Variants in MIPEP observed in about 807,000 individuals in gnomAD.
MIPEP encodes mitochondrial intermediate peptidase.
Under a neutral mutation model 90.3 loss-of-function variants are expected in MIPEP, and 79 were observed. The observed-to-expected ratio is 0.87, with a 90% CI of 0.73 to 1.05. The LOEUF is 1.05. Among genes scored for constraint, MIPEP ranks in the 50% least tolerant of loss-of-function variants. The pLI is 0.00. For synonymous variants in MIPEP, 334 were observed against 315.8 expected (o/e 1.06, Z -0.61); for missense variants, 940 against 905.6 (o/e 1.04, Z -0.49).
chr13:23,840,330 T>A (rs1869238929), intron 11 of MIPEP, among the ~76,000 whole-genome samples: 1 of 152,184 alleles, frequency 6.6e-6, no homozygotes, highest in Admixed American at 6.5e-5. Context: ...TTATTGTTCA[T>A]CAAACATCTG....
chr13:23,838,290 T>G (rs1371641121), intron 12 of MIPEP, among the ~76,000 whole-genome samples: 2 of 152,164 alleles, frequency 1.3e-5, no homozygotes, highest in African/African-American at 2.4e-5. Context: ...ACTACAGGTG[T>G]GCTCCACCAC....
rs77779627 is a variant in MIPEP, at chr13:23,797,759, C to T, written c.1848+8191G>A. ...TCTCATTAATGTTTCAGGGAAGGAG[C>T]CTCCCTCTGGAAATTAAAAACGAGG... On this transcript the variant is annotated intron_variant, in intron 16 of 18. Coordinates refer to ENST00000382172, the MANE Select transcript of MIPEP (RefSeq NM_005932.4). 5.6e-3 allele frequency among the ~76,000 whole-genome samples: 855 copies of T among 152,288 alleles called. 8 individuals carry two copies. Among genetic ancestry groups the T allele is most frequent in the African/African-American group, 0.019 (801 of 41,552 alleles).
intron 10 of MIPEP, among the ~76,000 whole-genome samples, chr13:23,844,174 C>T (rs376809567): frequency 1.1e-3 from 8 of 7,344 alleles, no homozygotes; most frequent in Non-Finnish European, 3.9e-3. Flanking sequence ...AAGGGCGATG[C>T]GGGCAGAGAA....
Position 23,789,775 on chromosome 13 carries a change from G to A in MIPEP, c.1848+16175C>T, listed in dbSNP as rs577227209. Among the ~76,000 whole-genome samples the A allele has an allele frequency of 5.3e-5, 8 of 152,104 alleles. No homozygotes were observed. In the South Asian group the frequency reaches 1.5e-3, roughly 28 times the overall value. Reference sequence around the variant, plus strand: ...GGGGCTTTCCTCATCCTACGCCCTCGTGCTCTGCTGGGAATTCCCACCCTC... The same window carrying A: ...GGGGCTTTCCTCATCCTACGCCCTCATGCTCTGCTGGGAATTCCCACCCTC... On this transcript the variant is annotated intron_variant, in intron 16 of 18. Coordinates refer to ENST00000382172, the MANE Select transcript of MIPEP (RefSeq NM_005932.4).
At chr13:23,844,282 G>C (rs974605291) in intron 10 of MIPEP, among the ~76,000 whole-genome samples, 21 of 152,156 alleles carry the variant, frequency 1.4e-4, no homozygotes, top group African/African-American at 4.8e-4. Context: ...GGAGTGCATG[G>C]AAAGAGGGGA....
intron 16 of MIPEP, among the ~76,000 whole-genome samples, chr13:23,761,744 T>G (rs1382190223): frequency 6.6e-6 from 1 of 152,226 alleles, no homozygotes; most frequent in Admixed American, 6.5e-5. Context: ...CTTAGGACTT[T>G]AACATTTTTA....
At chr13:23,882,900 T>TAA (rs547606760) in intron 2 of MIPEP, among the ~76,000 whole-genome samples, 123 of 152,214 alleles carry the variant, frequency 8.1e-4, no homozygotes, top group African/African-American at 2.9e-3. Context: ...TGTGAATTTA[T>TAA]AATCAATATT....
At chr13:23,759,638 G>C (rs1322916177) in intron 17 of MIPEP, among the ~76,000 whole-genome samples, 1 of 152,076 alleles carries the variant, frequency 6.6e-6, no homozygotes, top group African/African-American at 2.4e-5. Flanking sequence ...AAAGAGATTG[G>C]GAAAGCAGGA....
chr13:23,760,329 C>T (rs767624628), intron 16 of MIPEP, 112 bp from the exon 17 acceptor site: 33 of 1,401,668 alleles, frequency 2.4e-5, no homozygotes, highest in Non-Finnish European at 3.3e-5. Context: ...CTTTCATTTG[C>T]ATTTTACCCT....
chr13:23,860,775 C>T (rs191312348), intron 9 of MIPEP, among the ~76,000 whole-genome samples: 31 of 152,260 alleles, frequency 2.0e-4, no homozygotes, highest in African/African-American at 7.2e-4. Context: ...AAGACGGCTT[C>T]GAGTGGAGCA....
chr13:23,739,265 G>T (rs1388335656), intron 18 of MIPEP, among the ~76,000 whole-genome samples: 1 of 152,260 alleles, frequency 6.6e-6, no homozygotes, highest in East Asian at 1.9e-4. Flanking sequence ...CGTGGTGTCA[G>T]TGTGAGCTGT....
At chr13:23,886,966 A>G (rs1329518424) in intron 1 of MIPEP, among the ~76,000 whole-genome samples, 1 of 152,106 alleles carries the variant, frequency 6.6e-6, no homozygotes, top group Non-Finnish European at 1.5e-5. Context: ...ATCATGTACA[A>G]TGGGAATGAC....
chr13:23,768,363 A>G (rs1419961682), intron 16 of MIPEP, among the ~76,000 whole-genome samples: 1 of 152,200 alleles, frequency 6.6e-6, no homozygotes, highest in African/African-American at 2.4e-5. Flanking sequence ...CACACCACAG[A>G]GCTATTTTTA....
Position 23,889,340 on chromosome 13 carries a change from C to G in MIPEP, c.-20G>C. ...CAGCATTCTAGCACCAGAGCAGTCC[C>G]TTCCTCCAACGCAGATCCCTGCCCT... On this transcript the variant is annotated 5_prime_UTR_variant, in exon 1 of 19. Transcript: ENST00000382172. 1 of 1,309,396 alleles carries G rather than the reference C, an allele frequency of 7.6e-7. No homozygotes were observed. The highest frequency in any genetic ancestry group is 9.7e-7 in the Non-Finnish European group (1 of 1,028,362). The allele number at this position is 1,309,396 out of a possible 1,614,324, so 81.1% of individuals were successfully genotyped here.
intron 14 of MIPEP, among the ~76,000 whole-genome samples, chr13:23,830,450 T>C (rs1482142329): frequency 6.6e-6 from 1 of 152,114 alleles, no homozygotes; most frequent in East Asian, 1.9e-4. Flanking sequence ...GGGGCAGAGA[T>C]GGGTTCAGAG....
chr13:23,797,422 C>G (rs1411266544), intron 16 of MIPEP, among the ~76,000 whole-genome samples: 1 of 152,158 alleles, frequency 6.6e-6, no homozygotes, highest in Non-Finnish European at 1.5e-5. Context: ...CATGAAGCAG[C>G]TACCACCCCT....
At chr13:23,777,631 TA>T (rs1397443786) in intron 16 of MIPEP, among the ~76,000 whole-genome samples, 2 of 152,168 alleles carry the variant, frequency 1.3e-5, no homozygotes, top group African/African-American at 4.8e-5. Context: ...AAGAAGTTAT[TA>T]AAAAATAAGA....
At chr13:23,786,394 G>C (rs1022797430) in intron 16 of MIPEP, among the ~76,000 whole-genome samples, 1 of 151,904 alleles carries the variant, frequency 6.6e-6, no homozygotes, top group Non-Finnish European at 1.5e-5. Flanking sequence ...AAGCATAACA[G>C]GAAACGGAAA....
intron 8 of MIPEP, among the ~76,000 whole-genome samples, chr13:23,862,625 C>T (rs1870355708): frequency 1.3e-5 from 2 of 152,154 alleles, no homozygotes; most frequent in African/African-American, 4.8e-5. Flanking sequence ...GAAAAACTAG[C>T]AATGTCATTA....
Sources: allele counts gnomAD v4.1 joint callset (sites outside exome capture counted in the v4.1 genomes callset), GRCh38; gene constraint gnomAD v4.1.1; transcripts MANE v1.5; gene names NCBI Gene and HGNC (gene_info 2026-07-23, HGNC 2026-07-21).